The following SF3B3 variants were observed in gnomAD, a reference collection of about 807,000 sequenced individuals.
The protein encoded by SF3B3 is splicing factor 3b subunit 3, also known as SAP 130.
In SF3B3, 33 loss-of-function variants were observed where a neutral mutation model predicts 139.2. That is an observed-to-expected ratio of 0.24 (90% CI 0.18 to 0.32). The LOEUF (loss-of-function observed/expected upper bound fraction) is 0.32, where lower values mean the gene tolerates loss of function less well. SF3B3 is among the 10% of genes least tolerant of loss of function. The pLI is 1.00. For synonymous variants in SF3B3, 596 were observed against 563.6 expected (o/e 1.06, Z -0.81); for missense variants, 818 against 1,509.4 (o/e 0.54, Z 7.59).
In SF3B3 at chr16:70,556,996, G is replaced by T. The variant is rs1451057433; in HGVS notation, c.1977G>T (p.Ser659=). ...EKQDELGERG[S]IGFLYLNIGL... The stretch of plus-strand genomic sequence containing the variant: ...AGGATGAGCTGGGTGAGAGGGGCTC[G>T]ATTGGCTTCCTATACCTGAATATTG... Residue 659 remains serine (S), a synonymous_variant, in exon 15 of 26, where the codon TCG becomes TCT. Transcript: ENST00000302516. 2.5e-6 allele frequency: 4 copies of T among 1,613,526 alleles called. No homozygotes were observed. The highest frequency in any genetic ancestry group is 4.5e-5 in the East Asian group (2 of 44,876).
chr16:70,532,365 A>AAAAAAAAAAAAAAAAAAAAAAAAAAAAG (rs1159104206), intron 4 of SF3B3, 114 bp from the exon 5 acceptor site: 1 of 832,700 alleles, frequency 1.2e-6, no homozygotes, highest in African/African-American at 1.9e-5. Flanking sequence ...TCCAAAAAAA[A>AAAAAAAAAAAAAAAAAAAAAAAAAAAAG]AAGAAGACAT....
At position 70,576,184 on chromosome 16, in the gene SF3B3, T is replaced by C. The variant is rs191851656; in HGVS notation, c.*4371T>C. On this transcript the variant is annotated 3_prime_UTR_variant, in exon 26 of 26. Coordinates refer to ENST00000302516, the MANE Select transcript of SF3B3 (RefSeq NM_012426.5). ...AGCTGTGATGGACAATGAACATTGC[T>C]GCTTGTTCAAAATGAAGAAAAAAAA... The C allele has an allele frequency of 1.1e-4, 17 of 152,238 alleles. No homozygotes were observed. The highest frequency in any genetic ancestry group is 3.9e-4 in the African/African-American group (16 of 41,546). 9.4% of individuals were successfully genotyped at this position (152,238 alleles called of 1,614,324 possible).
At position 70,552,887 on chromosome 16, in the gene SF3B3, A is replaced by G. The variant is rs1011786789; in HGVS notation, c.1403-1559A>G. Among the ~76,000 whole-genome samples, 6 of 152,352 alleles carry G rather than the reference A, an allele frequency of 3.9e-5. No homozygotes were observed. In the East Asian group the frequency reaches 7.7e-4, roughly 20 times the overall value. On this transcript the variant is annotated intron_variant, in intron 11 of 25. Coordinates refer to ENST00000302516, the MANE Select transcript of SF3B3 (RefSeq NM_012426.5). ...TTACGTCCTGCTAATAGGGCAGAACACTACTGTAGGCCATGCCAATGATAC... is the reference window on the plus strand; with the variant it reads ...TTACGTCCTGCTAATAGGGCAGAACGCTACTGTAGGCCATGCCAATGATAC...
intron 11 of SF3B3, among the ~76,000 whole-genome samples, chr16:70,553,269 T>G (rs2050345339): frequency 6.6e-6 from 1 of 152,158 alleles, no homozygotes; most frequent in Non-Finnish European, 1.5e-5. Context: ...GAATGCTGAT[T>G]CTGCAGAACT....
intron 18 of SF3B3, 89 bp from the exon 19 acceptor site, chr16:70,564,976 C>T: frequency 1.7e-6 from 2 of 1,197,358 alleles, no homozygotes; most frequent in East Asian, 4.7e-5. Flanking sequence ...TATTGAGAAC[C>T]CCCTGGAGTG....
At position 70,573,938 on chromosome 16, in the gene SF3B3, C is replaced by T. The variant is rs188969521; in HGVS notation, c.*2125C>T. The T allele has an allele frequency of 6.6e-6, 1 of 152,262 alleles. No homozygotes were observed. The highest frequency in any genetic ancestry group is 1.9e-4 in the East Asian group (1 of 5,186). The allele number at this position is 152,262 out of a possible 1,614,324, so 9.4% of individuals were successfully genotyped here. The stretch of plus-strand genomic sequence containing the variant: ...AAGATCTCTTGCCAAGAATAGCATT[C>T]CTTTGGAGGAGGGGGGTTCTAGTTG... On this transcript the variant is annotated 3_prime_UTR_variant, in exon 26 of 26. Transcript: ENST00000302516.
chr16:70,565,034 C>G lies in SF3B3; in HGVS notation c.2464-31C>G, dbSNP rs1393337861. On this transcript the variant is annotated intron_variant, in intron 18 of 25. Coordinates refer to ENST00000302516, the MANE Select transcript of SF3B3 (RefSeq NM_012426.5). The stretch of plus-strand genomic sequence containing the variant: ...CAGCCAGCCCCTACCTCTGAGCACG[C>G]CAACTCAGTTACTCGTTTTTTTGGG... The G allele has an allele frequency of 1.9e-6, 3 of 1,609,112 alleles. No homozygotes were observed. In the Admixed American group the frequency reaches 5.0e-5, roughly 27 times the overall value.
chr16:70,558,440 CTG>C (rs2050398473), intron 15 of SF3B3, among the ~76,000 whole-genome samples: 1 of 151,964 alleles, frequency 6.6e-6, no homozygotes, highest in South Asian at 2.1e-4. Flanking sequence ...TTTATTAACT[CTG>C]TATATCTGAA....
intron 10 of SF3B3, among the ~76,000 whole-genome samples, chr16:70,545,012 T>TA (rs1429355855): frequency 6.6e-6 from 1 of 152,242 alleles, no homozygotes; most frequent in East Asian, 1.9e-4. Context: ...TTTTGTATCT[T>TA]ATTAAATTTA....
At chr16:70,560,843 G>A (rs1196255369) in intron 16 of SF3B3, among the ~76,000 whole-genome samples, 2 of 152,048 alleles carry the variant, frequency 1.3e-5, no homozygotes, top group African/African-American at 4.8e-5. Flanking sequence ...AAATAGGGCT[G>A]GAAACCTCCC....
chr16:70,533,064 A>G (rs2050136034), intron 5 of SF3B3, among the ~76,000 whole-genome samples: 1 of 152,270 alleles, frequency 6.6e-6, no homozygotes, highest in Non-Finnish European at 1.5e-5. Flanking sequence ...AAATAAATTA[A>G]GAACTTCAAT....
chr16:70,525,105 C>G (rs2050044408), intron 1 of SF3B3: 1 of 152,402 alleles, frequency 6.6e-6, no homozygotes, highest in South Asian at 2.1e-4. Flanking sequence ...TCTCGGCTTA[C>G]TGCAGCCTCC....
chr16:70,564,359 G>A (rs1483128307), intron 18 of SF3B3, among the ~76,000 whole-genome samples: 6 of 152,298 alleles, frequency 3.9e-5, no homozygotes, highest in East Asian at 3.9e-4. Flanking sequence ...CTCTGGACAC[G>A]AGACTCTATC....
intron 16 of SF3B3, 95 bp from the exon 17 acceptor site, chr16:70,561,535 G>A: frequency 9.7e-7 from 1 of 1,028,828 alleles, no homozygotes. Context: ...ATACTCTGCA[G>A]ACTGAAATTT....
intron 11 of SF3B3, among the ~76,000 whole-genome samples, chr16:70,548,950 A>C (rs2050295167): frequency 6.6e-6 from 1 of 152,202 alleles, no homozygotes; most frequent in Non-Finnish European, 1.5e-5. Flanking sequence ...GTGAGTAGAA[A>C]AGCGGGGATG....
At position 70,573,587 on chromosome 16, in the gene SF3B3, A is replaced by G. The variant is rs549336251; in HGVS notation, c.*1774A>G. 1.3e-5 allele frequency: 2 copies of G among 152,242 alleles called. No individual in the cohort carries two copies. The highest frequency in any genetic ancestry group is 2.9e-5 in the Non-Finnish European group (2 of 68,056). 9.4% of individuals were successfully genotyped at this position (152,242 alleles called of 1,614,324 possible). A position where few individuals can be genotyped will look rare whatever the true frequency, so the allele number is the denominator to read the frequency against. The stretch of plus-strand genomic sequence containing the variant: ...CTTGAATATGTGGAAAGGAATTTTC[A>G]TAGTTGTTGCTGCAGGACCTACAAA... On this transcript the variant is annotated 3_prime_UTR_variant, in exon 26 of 26. Coordinates refer to ENST00000302516, the MANE Select transcript of SF3B3 (RefSeq NM_012426.5).
At chr16:70,565,632 C>A in intron 20 of SF3B3, 108 bp downstream of exon 20, 2 of 987,490 alleles carry the variant, frequency 2.0e-6, no homozygotes, top group Non-Finnish European at 3.0e-6. Flanking sequence ...TGATTCCAAT[C>A]TCTCTCTTAC....
rs1239088652 is a variant in SF3B3, at chr16:70,554,204, ACTT to A, written c.1403-238_1403-236del. 1.0e-5 allele frequency: 4 copies of A among 386,036 alleles called. No homozygotes were observed. The East Asian group carries it at 1.9e-4, about 19-fold the overall frequency. 23.9% of individuals were successfully genotyped at this position (386,036 alleles called of 1,614,324 possible). ...TCCGATTCTCTTGCTTTGTCCTCTC[ACTT>A]CTTTAGCAGATGTCTCAAGAAAATA... On this transcript the variant is annotated intron_variant, in intron 11 of 25. Coordinates refer to ENST00000302516, the MANE Select transcript of SF3B3 (RefSeq NM_012426.5).
At chr16:70,530,993 C>A in intron 4 of SF3B3, 76 bp downstream of exon 4, 1 of 1,379,962 alleles carries the variant, frequency 7.2e-7, no homozygotes, top group Non-Finnish European at 1.0e-6. Context: ...TCCGGCCGGG[C>A]GTGGTGGCTC....
Sources: allele counts gnomAD v4.1 joint callset (sites outside exome capture counted in the v4.1 genomes callset), GRCh38; gene constraint gnomAD v4.1.1; transcripts MANE v1.5; gene names NCBI Gene and HGNC (gene_info 2026-07-23, HGNC 2026-07-21).